Variants in PIAS1 observed in about 807,000 individuals in gnomAD.
PIAS1 encodes the protein protein inhibitor of activated STAT 1, also known as E3 SUMO-protein ligase PIAS1.
A neutral mutation model predicts 71.3 loss-of-function variants in PIAS1; 6 were observed. That is an observed-to-expected ratio of 0.08 (90% confidence interval 0.05 to 0.17). The LOEUF (loss-of-function observed/expected upper bound fraction) is 0.17, where lower values mean the gene tolerates loss of function less well. PIAS1 is among the 10% of genes least tolerant of loss of function. The pLI, the probability that PIAS1 is intolerant of heterozygous loss-of-function variation, is 1.00. For synonymous variants in PIAS1, 303 were observed against 292.9 expected, an observed-to-expected ratio of 1.03 and a Z score of -0.35; for missense variants, 555 against 793.6, an observed-to-expected ratio of 0.70 and a Z score of 3.61.
At chr15:68,128,788 C>T (rs2092670066) in intron 2 of PIAS1, among the ~76,000 whole-genome samples, 2 of 152,114 alleles carry the variant, frequency 1.3e-5, no homozygotes, top group South Asian at 4.2e-4. Flanking sequence ...ATTAAGTCTT[C>T]ATTGGAAGTG....
chr15:68,062,714 TGTG>T (rs1244123118), intron 1 of PIAS1, among the ~76,000 whole-genome samples: 1 of 152,234 alleles, frequency 6.6e-6, no homozygotes, highest in Non-Finnish European at 1.5e-5. Context: ...TTTAATTTAT[TGTG>T]TGTGTGTATG....
chr15:68,176,882 G>A (rs907735330), intron 11 of PIAS1, among the ~76,000 whole-genome samples: 3 of 152,138 alleles, frequency 2.0e-5, no homozygotes, highest in Non-Finnish European at 2.9e-5. Flanking sequence ...TTCTAGTACC[G>A]TGGTTCTCAA....
chr15:68,068,471 G>A (rs1028481483), intron 1 of PIAS1, among the ~76,000 whole-genome samples: 1 of 151,858 alleles, frequency 6.6e-6, no homozygotes, highest in Non-Finnish European at 1.5e-5. Flanking sequence ...TTTTTTTTGA[G>A]ACTGAGTTTG....
intron 7 of PIAS1, among the ~76,000 whole-genome samples, chr15:68,161,872 G>A (rs534033200): frequency 5.3e-5 from 4 of 76,064 alleles, no homozygotes; most frequent in Non-Finnish European, 5.2e-5. Context: ...AGAGGCTGCA[G>A]TCAACCAAGA....
rs190506633 is a variant in PIAS1 at position 68,058,961 on chromosome 15, A to G, written c.24+4611A>G. 2.8e-5 allele frequency among the ~76,000 whole-genome samples: 4 copies of G among 143,034 alleles called. No individual in the cohort carries two copies. The East Asian group carries it at 8.2e-4, about 29-fold the overall frequency. 93.8% of individuals were successfully genotyped at this position (143,034 alleles called of 152,430 possible). On this transcript the variant is annotated intron_variant, in intron 1 of 13. Coordinates refer to ENST00000249636, the MANE Select transcript of PIAS1 (RefSeq NM_016166.3). ...TCTATATGATCATTTGAAACCTTAC[A>G]TTGTGTTTTATTAAACTAGTCCCTG... is the stretch of plus-strand genomic sequence containing the variant.
At chr15:68,101,358 G>C (rs1227765274) in intron 2 of PIAS1, among the ~76,000 whole-genome samples, 1 of 129,094 alleles carries the variant, frequency 7.7e-6, no homozygotes, top group Non-Finnish European at 1.6e-5. Context: ...TAACTTATGA[G>C]TTTTCAGAGT....
intron 2 of PIAS1, among the ~76,000 whole-genome samples, chr15:68,099,293 G>C (rs2092403954): frequency 6.7e-6 from 1 of 148,792 alleles, no homozygotes; most frequent in East Asian, 2.0e-4. Context: ...AGTTCCTTGA[G>C]CTTTTTATTT....
At chr15:68,093,690 G>A (rs987883686) in intron 2 of PIAS1, among the ~76,000 whole-genome samples, 1 of 152,160 alleles carries the variant, frequency 6.6e-6, no homozygotes, top group African/African-American at 2.4e-5. Flanking sequence ...GTTATAATGG[G>A]GGGAAGGATT....
intron 1 of PIAS1, among the ~76,000 whole-genome samples, chr15:68,070,181 C>T (rs1045229521): frequency 3.9e-5 from 6 of 152,168 alleles, no homozygotes; most frequent in Non-Finnish European, 2.9e-5. Flanking sequence ...CATCCATCTG[C>T]ATGAGTGCAT....
At chr15:68,142,056 A>G in intron 3 of PIAS1, 26 bp downstream of exon 3, 1 of 1,482,048 alleles carries the variant, frequency 6.7e-7, no homozygotes. Context: ...GTGTAACTTG[A>G]AGTTTGACCT....
At chr15:68,105,978 A>G (rs1301306779) in intron 2 of PIAS1, among the ~76,000 whole-genome samples, 1 of 152,176 alleles carries the variant, frequency 6.6e-6, no homozygotes, top group South Asian at 2.1e-4. Context: ...ATTACCTCAC[A>G]TAAACATTTT....
Position 68,187,928 on chromosome 15 carries a change from T to A in PIAS1, c.*93T>A. The A allele has an allele frequency of 8.6e-7, 1 of 1,161,448 alleles. No homozygotes were observed. The highest frequency in any genetic ancestry group is 1.2e-6 in the Non-Finnish European group (1 of 825,078). The allele number at this position is 1,161,448 out of a possible 1,614,324, so 71.9% of individuals were successfully genotyped here. A position where few individuals can be genotyped will look rare whatever the true frequency, so the allele number is the denominator to read the frequency against. ...GTGCTCTGTTTTACCTTACTCTGTT[T>A]AGAAAAGTATACAAGCGTGTTTTTT... On this transcript the variant is annotated 3_prime_UTR_variant, in exon 14 of 14. Transcript: ENST00000249636. The surrounding 1 kb of genome is among the most constrained non-coding windows in gnomAD (Gnocchi z 5.3).
intron 2 of PIAS1, among the ~76,000 whole-genome samples, chr15:68,134,592 A>G (rs28583996): frequency 0.96 from 24,141 of 25,236 alleles, 11,627 homozygotes; most frequent in East Asian, 0.99. Context: ...CCCACCCCCC[A>G]GACGGGGCGG....
At chr15:68,138,619 C>G (rs769225923) in intron 2 of PIAS1, among the ~76,000 whole-genome samples, 1 of 152,102 alleles carries the variant, frequency 6.6e-6, no homozygotes, top group Non-Finnish European at 1.5e-5. Context: ...GGATTACAGG[C>G]GCATGCCACC....
intron 7 of PIAS1, among the ~76,000 whole-genome samples, chr15:68,159,336 TTCTC>T (rs779926836): frequency 5.9e-5 from 9 of 152,174 alleles, no homozygotes; most frequent in South Asian, 2.1e-4. Flanking sequence ...CCCCTCCGTT[TTCTC>T]TCTTTCTTTT....
intron 1 of PIAS1, among the ~76,000 whole-genome samples, chr15:68,061,673 A>G (rs2140954298): frequency 6.6e-6 from 1 of 152,306 alleles, no homozygotes; most frequent in East Asian, 1.9e-4. Context: ...CACTGCTTTC[A>G]GTTTACCCGC....
intron 1 of PIAS1, among the ~76,000 whole-genome samples, chr15:68,067,862 C>G (rs935086164): frequency 2.0e-5 from 3 of 152,120 alleles, no homozygotes; most frequent in African/African-American, 7.2e-5. Context: ...TCCTCTCTTC[C>G]CCATTTCTTC....
At position 68,139,888 on chromosome 15, in the gene PIAS1, GATTCTGTA is replaced by G. The variant is rs2092758748; in HGVS notation, c.470-2052_470-2045del. On this transcript the variant is annotated intron_variant, in intron 2 of 13. Coordinates refer to ENST00000249636, the MANE Select transcript of PIAS1 (RefSeq NM_016166.3). ...TTTGTAAGACTCATTTCAGTATGAA[GATTCTGTA>G]ATTCTTTTTGTCCAGAATTTTTTTG... 3.3e-5 allele frequency among the ~76,000 whole-genome samples: 5 copies of G among 152,230 alleles called. No individual in the cohort carries two copies. The South Asian group carries it at 1.0e-3, about 32-fold the overall frequency.
chr15:68,094,225 G>A (rs964889148), intron 2 of PIAS1, among the ~76,000 whole-genome samples: 5 of 151,200 alleles, frequency 3.3e-5, no homozygotes, highest in Admixed American at 6.6e-5. Flanking sequence ...GGAGAAGACC[G>A]GCAACCTAGA....
Sources: allele counts gnomAD v4.1 joint callset (sites outside exome capture counted in the v4.1 genomes callset), GRCh38; gene constraint gnomAD v4.1.1; non-coding constraint Gnocchi (gnomAD v3.1); transcripts MANE v1.5; gene names NCBI Gene and HGNC (gene_info 2026-07-23, HGNC 2026-07-21).